WNT2B: variants seen among roughly 807,000 people sequenced by gnomAD.
WNT2B encodes protein Wnt-2b.
WNT2B carries 19 observed loss-of-function variants against 40.5 expected under a neutral mutation model. That is an observed-to-expected ratio of 0.47 (90% confidence interval 0.33 to 0.69). WNT2B has a LOEUF of 0.69. Among genes scored for constraint, WNT2B ranks in the 30% least tolerant of loss-of-function variants. The probability of loss-of-function intolerance (pLI) is 0.02; values close to 1 mark genes in which losing one functional copy is unlikely to be tolerated. For synonymous variants in WNT2B, 220 were observed against 211.9 expected (o/e 1.04, Z -0.33); for missense variants, 467 against 556.4 (o/e 0.84, Z 1.62).
chr1:112,487,058 G>A (rs1384756507), intron 1 of WNT2B, among the ~76,000 whole-genome samples: 1 of 152,116 alleles, frequency 6.6e-6, no homozygotes, highest in Non-Finnish European at 1.5e-5. Context: ...CCAAAAACTT[G>A]TAATTACCCA....
exon 1 of WNT2B, chr1:112,467,521 A>G (rs577495866): frequency 2.3e-5 from 18 of 780,670 alleles, no homozygotes; most frequent in South Asian, 2.1e-4. Flanking sequence ...TCTTTCTCCT[A>G]TATCACACTT....
Position 112,525,639 on chromosome 1 carries a change from T to A in WNT2B, c.*5130T>A, listed in dbSNP as rs1218188815. On this transcript the variant is annotated 3_prime_UTR_variant, in exon 5 of 5. Transcript: ENST00000369684. ...ATCCTGGCTTAAAATTTTCCTTTGC[T>A]CACTTCCATTCTATGAGTATATCGA... 6.2e-6 allele frequency: 1 copy of A among 160,578 alleles called. No homozygotes were observed. The highest frequency in any genetic ancestry group is 1.4e-5 in the Non-Finnish European group (1 of 73,524). 9.9% of individuals were successfully genotyped at this position (160,578 alleles called of 1,614,324 possible). A position where few individuals can be genotyped will look rare whatever the true frequency, so the allele number is the denominator to read the frequency against.
intron 4 of WNT2B, 93 bp downstream of exon 4, chr1:112,517,478 G>A (rs1368301295): frequency 6.8e-7 from 1 of 1,464,622 alleles, no homozygotes; most frequent in Admixed American, 2.3e-5. Flanking sequence ...AGGAGTTAGG[G>A]AAGGGGGTGC....
At chr1:112,499,432 G>A (rs1033707912) in intron 1 of WNT2B, among the ~76,000 whole-genome samples, 18 of 152,182 alleles carry the variant, frequency 1.2e-4, no homozygotes, top group African/African-American at 4.1e-4. Flanking sequence ...GTCCAATAAT[G>A]TATAAAAAGA....
At position 112,508,969 on chromosome 1, in the gene WNT2B, A is replaced by T; in HGVS notation, c.-294A>T. ...CCGCGGCCGAAGGGGCTGTCCGCAC[A>T]CTAGGCCCGCAGCTCCCTTCAGCGC... On this transcript the variant is annotated 5_prime_UTR_variant, in exon 1 of 5. Coordinates refer to ENST00000369684, the MANE Select transcript of WNT2B (RefSeq NM_024494.3). This position sits in a 1 kb window ranked among gnomAD's most constrained non-coding sequence, Gnocchi z 4.2. 3 of 1,247,282 alleles carry T rather than the reference A, an allele frequency of 2.4e-6. No homozygotes were observed. The highest frequency in any genetic ancestry group is 3.7e-5 in the East Asian group (1 of 27,088). The allele number at this position is 1,247,282 out of a possible 1,614,324, so 77.3% of individuals were successfully genotyped here. A position where few individuals can be genotyped will look rare whatever the true frequency, so the allele number is the denominator to read the frequency against.
chr1:112,528,006 G>T lies in WNT2B; in HGVS notation c.*7497G>T, dbSNP rs1425740829. 1 of 152,170 alleles carries T rather than the reference G, an allele frequency of 6.6e-6. No homozygotes were observed. The highest frequency in any genetic ancestry group is 1.5e-5 in the Non-Finnish European group (1 of 68,038). The allele number at this position is 152,170 out of a possible 1,614,324, so 9.4% of individuals were successfully genotyped here. A position where few individuals can be genotyped will look rare whatever the true frequency, so the allele number is the denominator to read the frequency against. ...AGATGATCATTCCTAGAATAATTAT[G>T]CTTACTGGGTGACAATATACAGAAG... On this transcript the variant is annotated 3_prime_UTR_variant, in exon 5 of 5. Coordinates refer to ENST00000369684, the MANE Select transcript of WNT2B (RefSeq NM_024494.3).
intron 1 of WNT2B, among the ~76,000 whole-genome samples, chr1:112,468,622 C>T (rs7416024): frequency 0.25 from 37,727 of 151,796 alleles, 5,368 homozygotes; most frequent in East Asian, 0.56. Context: ...CTATTCATGC[C>T]AGTTTCCCAT....
Position 112,520,457 on chromosome 1 carries a change from A to C in WNT2B, c.1124A>C (p.Asp375Ala). Residue 375 changes from aspartate (D) to alanine (A), a missense_variant, in exon 5 of 5, where the codon GAC (aspartate) becomes GCC (alanine). Physicochemically the swap from Asp to Ala is moderately radical, Grantham distance 126 (BLOSUM62 -2). Coordinates refer to ENST00000369684, the MANE Select transcript of WNT2B (RefSeq NM_024494.3). ...TGCAAGGAATGCAGAAATACTGTGG[A>C]CGTCCATACTTGCAAAGCCCCCAAG... is the stretch of plus-strand genomic sequence containing the variant. Reference protein sequence around the residue: ...VRCKECRNTVDVHTCKAPKKA... With the variant: ...VRCKECRNTVAVHTCKAPKKA... 6.2e-7 allele frequency: 1 copy of C among 1,614,194 alleles called. No homozygotes were observed. Among genetic ancestry groups the C allele is most frequent in the Non-Finnish European group, 8.5e-7 (1 of 1,180,034 alleles).
intron 1 of WNT2B, among the ~76,000 whole-genome samples, chr1:112,468,159 A>G (rs1020331073): frequency 1.3e-5 from 2 of 152,148 alleles, no homozygotes; most frequent in African/African-American, 4.8e-5. Flanking sequence ...TTTATGACCA[A>G]TAATATTCCA....
intron 1 of WNT2B, among the ~76,000 whole-genome samples, chr1:112,502,203 C>A (rs1221699487): frequency 6.6e-6 from 1 of 152,172 alleles, no homozygotes; most frequent in Non-Finnish European, 1.5e-5. Context: ...CCGTGGCGGA[C>A]GCCGGGAGGA....
chr1:112,494,182 C>T lies in WNT2B; in HGVS notation c.-94-20692C>T, dbSNP rs532252602. ...AAAATTAGCCATGCTTGGTGGCGTGCGCCTGTAGTCCCAGCTACTCGGGAG... is the reference window on the plus strand; with the variant it reads ...AAAATTAGCCATGCTTGGTGGCGTGTGCCTGTAGTCCCAGCTACTCGGGAG... On this transcript the variant is annotated intron_variant, in intron 1 of 4. Transcript: ENST00000256640. Among the ~76,000 whole-genome samples the T allele has an allele frequency of 1.1e-4, 16 of 150,496 alleles. 1 individual carries two copies. The highest frequency in any genetic ancestry group is 1.5e-4 in the Non-Finnish European group (10 of 67,852).
chr1:112,495,588 CA>C (rs1172484242), intron 1 of WNT2B, among the ~76,000 whole-genome samples: 8,163 of 94,444 alleles, frequency 0.086, 191 homozygotes, highest in Middle Eastern at 0.15. Flanking sequence ...GACTCTGTCT[CA>C]AAAAAAAAAA....
At chr1:112,497,613 C>T (rs979733619) in intron 1 of WNT2B, among the ~76,000 whole-genome samples, 1 of 152,208 alleles carries the variant, frequency 6.6e-6, no homozygotes, top group African/African-American at 2.4e-5. Context: ...GTCTTTGGGT[C>T]ATTCTCCCAT....
Position 112,509,347 on chromosome 1 carries a change from GC to G in WNT2B, c.90del (p.Asp31ThrfsTer9). The G allele has an allele frequency of 2.5e-6, 4 of 1,593,380 alleles. No individual in the cohort carries two copies. Among genetic ancestry groups the G allele is most frequent in the Non-Finnish European group, 8.5e-7 (1 of 1,176,480 alleles). On this transcript the variant is annotated frameshift_variant, in exon 1 of 5. Transcript: ENST00000369684. LOFTEE classifies it high-confidence loss of function. The surrounding 1 kb of genome is among the most constrained non-coding windows in gnomAD (Gnocchi z 4.2). Reference sequence around the variant, plus strand: ...CCCGGTCCCTGTGCCGTCGCCCGCGGCCCCCGACGGCTCCCGGGCTTCGGCC... The same window carrying G: ...CCCGGTCCCTGTGCCGTCGCCCGCGGCCCCGACGGCTCCCGGGCTTCGGCC... ...SAPVPVPSPA[A>X]PDGSRASARL...
chr1:112,516,159 T>C lies in WNT2B; in HGVS notation c.423T>C (p.Phe141=). The change falls in exon 3 of 5, where the codon TTT becomes TTC. Residue 141 remains phenylalanine, a synonymous_variant. Transcript: ENST00000369684. Reference sequence around the variant, plus strand: ...CTCTAGGTAGCCGAGAGGCAGCTTTTGTATATGCCATCTCATCAGCAGGGG... The same window carrying C: ...CTCTAGGTAGCCGAGAGGCAGCTTTCGTATATGCCATCTCATCAGCAGGGG... ...VMLRSSREAA[F]VYAISSAGVV... 1 of 1,612,628 alleles carries C rather than the reference T, an allele frequency of 6.2e-7. No individual in the cohort carries two copies. The highest frequency in any genetic ancestry group is 2.2e-5 in the East Asian group (1 of 44,792).
chr1:112,506,630 T>A (rs1570786399), upstream of WNT2B, among the ~76,000 whole-genome samples: 1 of 151,798 alleles, frequency 6.6e-6, no homozygotes, highest in African/African-American at 2.4e-5. Context: ...GGTAAAAGAG[T>A]GGTCCAAGGA....
intron 1 of WNT2B, among the ~76,000 whole-genome samples, chr1:112,497,559 T>G (rs1469218734): frequency 6.6e-6 from 1 of 152,170 alleles, no homozygotes; most frequent in Non-Finnish European, 1.5e-5. Context: ...GCCCTACCAC[T>G]CAAAGCCTGT....
At chr1:112,482,521 C>T (rs1197330451) in intron 1 of WNT2B, among the ~76,000 whole-genome samples, 1 of 152,036 alleles carries the variant, frequency 6.6e-6, no homozygotes, top group Non-Finnish European at 1.5e-5. Context: ...TTTGTAAAGA[C>T]AGGGTCTTGC....
chr1:112,495,148 TAAGA>T (rs1303498965), intron 1 of WNT2B, among the ~76,000 whole-genome samples: 1 of 151,388 alleles, frequency 6.6e-6, no homozygotes, highest in East Asian at 1.9e-4. Context: ...ACTAATATGC[TAAGA>T]AAGGAGGGAA....
Sources: allele counts gnomAD v4.1 joint callset (sites outside exome capture counted in the v4.1 genomes callset), GRCh38; gene constraint gnomAD v4.1.1; non-coding constraint Gnocchi (gnomAD v3.1); transcripts MANE v1.5; gene names NCBI Gene and HGNC (gene_info 2026-07-23, HGNC 2026-07-21).